The following PLSCR2 variants were observed in gnomAD, a reference collection of about 807,000 sequenced individuals.
PLSCR2 encodes phospholipid scramblase 2, also known as PL scramblase 2.
A neutral mutation model predicts 25.3 loss-of-function variants in PLSCR2; 18 were observed. That is an observed-to-expected ratio of 0.71 (90% CI 0.49 to 1.06). PLSCR2 has a LOEUF of 1.06. Among genes scored for constraint, PLSCR2 ranks in the 50% least tolerant of loss-of-function variants. PLSCR2 has a pLI of 0.00. For missense variants in PLSCR2, 243 were observed against 269.5 expected, an observed-to-expected ratio of 0.90 and a Z score of 0.69; for synonymous variants, 88 against 87.3, an observed-to-expected ratio of 1.01 and a Z score of -0.04.
chr3:146,462,786 G>A (rs1260098688), upstream of PLSCR2, among the ~76,000 whole-genome samples: 1 of 152,074 alleles, frequency 6.6e-6, no homozygotes, highest in Non-Finnish European at 1.5e-5. Context: ...CTTTCCAAAA[G>A]CCTTTAGGAA....
At chr3:146,441,709 T>C (rs987037316), downstream of PLSCR2, 1 of 916,468 alleles carries the variant, frequency 1.1e-6, no homozygotes. Context: ...AATTTTTCTT[T>C]TAGATAATCC....
intron 5 of PLSCR2, among the ~76,000 whole-genome samples, chr3:146,452,894 C>A (rs187963476): frequency 1.5e-4 from 23 of 151,912 alleles, no homozygotes; most frequent in African/African-American, 5.3e-4. Flanking sequence ...TACCCACACA[C>A]CCATATATAC....
chr3:146,444,709 A>G (rs1413805189), intron 6 of PLSCR2, among the ~76,000 whole-genome samples: 3 of 151,652 alleles, frequency 2.0e-5, no homozygotes, highest in Non-Finnish European at 2.9e-5. Flanking sequence ...TTTCCATGCA[A>G]TCATTCTATG....
chr3:146,433,312 TATTA>T (rs1333318888), exon 9 of PLSCR2: 8 of 152,174 alleles, frequency 5.3e-5, no homozygotes, highest in East Asian at 1.9e-4. Flanking sequence ...CTAGTATTTT[TATTA>T]ATTAACTTGA....
Position 146,423,267 on chromosome 3 carries a change from CT to C in PLSCR2, c.101-27347del, listed in dbSNP as rs1227880878. On this transcript the variant is annotated intron_variant and NMD_transcript_variant, in intron 2 of 3. Coordinates refer to the PLSCR2 transcript ENST00000463633. ...TCTCTCTCTCTCTCTCTCTCTCTCT[CT>C]CTCTCTCTCTCTCTCCCTGGCTAGA... 5.2e-3 allele frequency among the ~76,000 whole-genome samples: 760 copies of C among 147,058 alleles called. 12 individuals are homozygous for C. Among genetic ancestry groups the C allele is most frequent in the African/African-American group, 0.018 (721 of 39,930 alleles).
chr3:146,434,181 G>A (rs2039683613), intron 8 of PLSCR2, among the ~76,000 whole-genome samples: 1 of 151,876 alleles, frequency 6.6e-6, no homozygotes, highest in African/African-American at 2.4e-5. Context: ...AACTATGTCA[G>A]GATAACATAT....
chr3:146,421,566 A>G (rs922382895), intron 2 of PLSCR2, among the ~76,000 whole-genome samples: 6 of 152,084 alleles, frequency 3.9e-5, no homozygotes, highest in Non-Finnish European at 7.4e-5. Flanking sequence ...CTGACAGGTA[A>G]GTTGAAACGG....
intron 2 of PLSCR2, among the ~76,000 whole-genome samples, chr3:146,419,165 C>A (rs1455855700): frequency 2.6e-5 from 4 of 151,962 alleles, no homozygotes; most frequent in Non-Finnish European, 4.4e-5. Context: ...AGGAAGAAAC[C>A]AAACCACAAT....
chr3:146,452,552 C>A (rs2040964677), intron 5 of PLSCR2, among the ~76,000 whole-genome samples: 2 of 152,168 alleles, frequency 1.3e-5, no homozygotes, highest in East Asian at 3.9e-4. Flanking sequence ...ACAAACTCAG[C>A]ATTTGTATAA....
intron 3 of PLSCR2, among the ~76,000 whole-genome samples, chr3:146,457,625 T>C (rs982111157): frequency 6.6e-6 from 1 of 152,234 alleles, no homozygotes; most frequent in African/African-American, 2.4e-5. Flanking sequence ...AACAGCAATT[T>C]TCCAAAACAC....
intron 1 of PLSCR2, among the ~76,000 whole-genome samples, chr3:146,486,514 A>G (rs1192078688): frequency 6.6e-6 from 1 of 152,134 alleles, no homozygotes; most frequent in Non-Finnish European, 1.5e-5. Flanking sequence ...CAGAAATACA[A>G]CAAACCATCA....
At chr3:146,435,338 A>T (rs1375975676) in intron 8 of PLSCR2, among the ~76,000 whole-genome samples, 1 of 152,162 alleles carries the variant, frequency 6.6e-6, no homozygotes, top group Non-Finnish European at 1.5e-5. Flanking sequence ...ATCCTTGAGG[A>T]ATTGCCACAC....
chr3:146,443,983 A>G (rs79839002), intron 6 of PLSCR2, among the ~76,000 whole-genome samples: 1,853 of 151,828 alleles, frequency 0.012, 36 homozygotes, highest in African/African-American at 0.043. Flanking sequence ...GTTTCAATTA[A>G]CCTGTTAATT....
chr3:146,447,244 T>C (rs2040605749), intron 6 of PLSCR2, among the ~76,000 whole-genome samples: 1 of 152,298 alleles, frequency 6.6e-6, no homozygotes, highest in South Asian at 2.1e-4. Flanking sequence ...TTCCCTCTCC[T>C]TTCCTCAAGT....
At chr3:146,477,794 G>C (rs2108517317) in intron 1 of PLSCR2, among the ~76,000 whole-genome samples, 1 of 152,328 alleles carries the variant, frequency 6.6e-6, no homozygotes, top group African/African-American at 2.4e-5. Flanking sequence ...GTGAGTCTCT[G>C]ACCCTCGTGT....
exon 1 of PLSCR2, chr3:146,495,916 G>A (rs570247127): frequency 1.3e-6 from 2 of 1,535,456 alleles, no homozygotes; most frequent in Non-Finnish European, 1.7e-6. Context: ...ATTTGAAAAG[G>A]CTTCATTCTC....
At chr3:146,493,276 TA>T (rs775634222) in intron 1 of PLSCR2, among the ~76,000 whole-genome samples, 1 of 152,176 alleles carries the variant, frequency 6.6e-6, no homozygotes, top group Non-Finnish European at 1.5e-5. Context: ...GAGGAGGGAC[TA>T]TCTTCTAACT....
intron 1 of PLSCR2, among the ~76,000 whole-genome samples, chr3:146,477,855 G>A (rs183895318): frequency 6.6e-6 from 1 of 152,080 alleles, no homozygotes; most frequent in African/African-American, 2.4e-5. Context: ...ACCTGATACA[G>A]GCAGGTGCCC....
At chr3:146,464,608 A>G (rs2041777935), upstream of PLSCR2, among the ~76,000 whole-genome samples, 1 of 152,210 alleles carries the variant, frequency 6.6e-6, no homozygotes, top group Non-Finnish European at 1.5e-5. Flanking sequence ...GTCATATTAT[A>G]TATTATACCA....
Sources: gnomAD v4.1 joint callset for allele counts (sites outside exome capture counted in the v4.1 genomes callset) on GRCh38, gnomAD v4.1.1 for gene constraint, MANE v1.5 for transcripts, NCBI Gene and HGNC (gene_info 2026-07-23, HGNC 2026-07-21) for gene names.